Variants in ESR1 observed in about 807,000 individuals in gnomAD.
ESR1 encodes the protein estrogen receptor.
ESR1 carries 12 observed loss-of-function variants against 52.7 expected under a neutral mutation model. The observed-to-expected ratio is 0.23, with a 90% CI of 0.15 to 0.37. The LOEUF (loss-of-function observed/expected upper bound fraction) is 0.37, where lower values mean the gene tolerates loss of function less well. Ranked by LOEUF, ESR1 falls within the 10% of genes least tolerant of loss-of-function variation. The pLI is 1.00. For synonymous variants in ESR1, 305 were observed against 316.8 expected (o/e 0.96, Z 0.39); for missense variants, 584 against 779.7 (o/e 0.75, Z 2.99).
At chr6:151,673,081 C>T (rs1778131293) in intron 1 of ESR1, among the ~76,000 whole-genome samples, 1 of 152,008 alleles carries the variant, frequency 6.6e-6, no homozygotes, top group African/African-American at 2.4e-5. Flanking sequence ...CCGCCTCAGC[C>T]TCCAAAAGTG....
chr6:151,955,367 G>C (rs960493653), intron 4 of ESR1, among the ~76,000 whole-genome samples: 8 of 152,062 alleles, frequency 5.3e-5, no homozygotes, highest in Admixed American at 5.2e-4. Flanking sequence ...TACATAAAAA[G>C]GGTTGAAATG....
chr6:151,715,371 G>T (rs762245144), intron 2 of ESR1, among the ~76,000 whole-genome samples: 8 of 152,142 alleles, frequency 5.3e-5, no homozygotes, highest in African/African-American at 7.2e-5. Flanking sequence ...TCCTGAATTT[G>T]AATGTTGGCC....
intron 1 of ESR1, among the ~76,000 whole-genome samples, chr6:151,817,105 T>C (rs1329040891): frequency 6.6e-6 from 1 of 152,126 alleles, no homozygotes. Context: ...AGTTGGAAGC[T>C]CATACTTAGG....
chr6:151,829,324 T>G (rs1212727984), intron 1 of ESR1, among the ~76,000 whole-genome samples: 1 of 152,262 alleles, frequency 6.6e-6, no homozygotes, highest in African/African-American at 2.4e-5. Context: ...ATATGTCAGA[T>G]ATACAGAAGT....
chr6:151,784,713 G>C (rs1362716163), intron 2 of ESR1, among the ~76,000 whole-genome samples: 1 of 152,178 alleles, frequency 6.6e-6, no homozygotes, highest in Non-Finnish European at 1.5e-5. Context: ...GGTTCCAGCT[G>C]CCAGGACTTA....
At chr6:151,742,630 A>T (rs1783185646) in intron 2 of ESR1, among the ~76,000 whole-genome samples, 1 of 152,192 alleles carries the variant, frequency 6.6e-6, no homozygotes, top group South Asian at 2.1e-4. Flanking sequence ...TGGAGCTGAT[A>T]AAAATAATGC....
At chr6:152,068,402 G>A (rs1167248361) in intron 6 of ESR1, among the ~76,000 whole-genome samples, 1 of 152,158 alleles carries the variant, frequency 6.6e-6, no homozygotes, top group Non-Finnish European at 1.5e-5. Context: ...TGAGTCTTAA[G>A]ACTGACCACA....
chr6:152,078,619 G>C (rs890798462), intron 6 of ESR1, among the ~76,000 whole-genome samples: 1 of 152,170 alleles, frequency 6.6e-6, no homozygotes, highest in African/African-American at 2.4e-5. Context: ...ACTGGGACTG[G>C]TTGGACAGTG....
At chr6:151,800,976 CCT>C (rs747589254), upstream of ESR1, among the ~76,000 whole-genome samples, 72 of 151,812 alleles carry the variant, frequency 4.7e-4, no homozygotes, top group Admixed American at 1.8e-3. Context: ...GCTCAAATCT[CCT>C]CTGTCTTTTT....
chr6:151,886,141 A>T (rs1358339346), intron 3 of ESR1, among the ~76,000 whole-genome samples: 1 of 152,108 alleles, frequency 6.6e-6, no homozygotes, highest in Non-Finnish European at 1.5e-5. Flanking sequence ...CTTGGCTTAA[A>T]CACCTAAGCT....
rs756929715 is a variant in ESR1 at position 152,099,695 on chromosome 6, A to G, written c.*729A>G. The G allele has an allele frequency of 1.1e-4, 29 of 275,456 alleles. No individual in the cohort carries two copies. Among genetic ancestry groups the G allele is most frequent in the Admixed American group, 9.0e-4 (17 of 18,948 alleles). 17.1% of individuals were successfully genotyped at this position (275,456 alleles called of 1,614,324 possible). On this transcript the variant is annotated 3_prime_UTR_variant, in exon 8 of 8. Coordinates refer to ENST00000206249, the MANE Select transcript of ESR1 (RefSeq NM_000125.4). The stretch of plus-strand genomic sequence containing the variant: ...GGGTTCCAGTTAATTCATGCCTCCC[A>G]TGGACCTATGGAGAGCAGCAAGTTG...
chr6:152,112,275 G>T (rs1012168083), intron 6 of ESR1, among the ~76,000 whole-genome samples: 3 of 152,240 alleles, frequency 2.0e-5, no homozygotes, highest in African/African-American at 7.2e-5. Flanking sequence ...CAGAGAACTT[G>T]AAACAATATG....
intron 2 of ESR1, among the ~76,000 whole-genome samples, chr6:151,767,209 C>T (rs987959968): frequency 6.6e-6 from 1 of 152,326 alleles, no homozygotes; most frequent in Middle Eastern, 3.4e-3. Context: ...CAACCATCTT[C>T]CCTTGCATAT....
chr6:152,048,448 T>G (rs546139654), intron 5 of ESR1, among the ~76,000 whole-genome samples: 1 of 152,122 alleles, frequency 6.6e-6, no homozygotes, highest in East Asian at 1.9e-4. Flanking sequence ...GCACCGCTTG[T>G]TGTATTCTCT....
At chr6:151,802,629 C>T (rs962865107), upstream of ESR1, among the ~76,000 whole-genome samples, 10 of 152,092 alleles carry the variant, frequency 6.6e-5, no homozygotes, top group Admixed American at 2.0e-4. Context: ...CAAGATTGTA[C>T]GAATTTAAAT....
chr6:151,682,252 G>A (rs958660626), intron 1 of ESR1, among the ~76,000 whole-genome samples: 2 of 152,092 alleles, frequency 1.3e-5, no homozygotes, highest in African/African-American at 4.8e-5. Flanking sequence ...AAAATAAATG[G>A]CACCATTGAA....
At chr6:152,025,126 A>C (rs977797607) in intron 5 of ESR1, among the ~76,000 whole-genome samples, 1 of 151,476 alleles carries the variant, frequency 6.6e-6, no homozygotes, top group Non-Finnish European at 1.5e-5. Context: ...ATAGGAATGA[A>C]GGTTATTGTC....
chr6:152,070,260 G>C (rs2048262219), intron 6 of ESR1, among the ~76,000 whole-genome samples: 1 of 137,006 alleles, frequency 7.3e-6, no homozygotes, highest in African/African-American at 3.3e-5. Context: ...ACTAATCAAA[G>C]AACTAGAGGT....
intron 2 of ESR1, among the ~76,000 whole-genome samples, chr6:151,747,783 G>A (rs1403848461): frequency 1.3e-5 from 2 of 152,118 alleles, no homozygotes; most frequent in Non-Finnish European, 2.9e-5. Flanking sequence ...GTGTTTTCAA[G>A]GGTCATTTAT....
Sources: allele counts gnomAD v4.1 joint callset (sites outside exome capture counted in the v4.1 genomes callset), GRCh38; gene constraint gnomAD v4.1.1; transcripts MANE v1.5; gene names NCBI Gene and HGNC (gene_info 2026-07-23, HGNC 2026-07-21).